LRRC37A2: variants seen among roughly 807,000 people sequenced by gnomAD.
The protein encoded by LRRC37A2 is leucine rich repeat containing 37 member A2.
LRRC37A2 carries 9 observed loss-of-function variants against 68.8 expected under a neutral mutation model. That is an observed-to-expected ratio of 0.13 (90% CI 0.08 to 0.23). The LOEUF is 0.23. Among genes scored for constraint, LRRC37A2 ranks in the 10% least tolerant of loss-of-function variants. LRRC37A2 has a pLI of 1.00. For synonymous variants in LRRC37A2, 63 were observed against 367.6 expected (o/e 0.17, Z 9.48); for missense variants, 168 against 950.4 (o/e 0.18, Z 10.82).
At chr17:46,684,986 A>G in the LRRC37A2 span, among the ~76,000 whole-genome samples, 5 of 96,530 alleles carry the variant, frequency 5.2e-5, no homozygotes. Context: ...ATTTTATTCT[A>G]TTTTTTTAAA....
chr17:46,943,737 C>G, the LRRC37A2 span, among the ~76,000 whole-genome samples: 3 of 152,218 alleles, frequency 2.0e-5, no homozygotes, highest in Non-Finnish European at 2.9e-5. Context: ...GCCACTGATG[C>G]TACGAGCCAT....
At chr17:46,731,490 C>A in the LRRC37A2 span, among the ~76,000 whole-genome samples, 1 of 152,096 alleles carries the variant, frequency 6.6e-6, no homozygotes, top group African/African-American at 2.4e-5. Context: ...ACTGTGTGCT[C>A]TGTGAACCAT....
At chr17:47,014,774 A>G in the LRRC37A2 span, among the ~76,000 whole-genome samples, 1 of 152,082 alleles carries the variant, frequency 6.6e-6, no homozygotes, top group Non-Finnish European at 1.5e-5. Context: ...GGCCTTAAGA[A>G]TGATTGCGCT....
the LRRC37A2 span, among the ~76,000 whole-genome samples, chr17:46,443,992 TTTTG>T: frequency 1.7e-4 from 1 of 5,890 alleles, no homozygotes; most frequent in Non-Finnish European, 8.9e-4. Flanking sequence ...CTAGCTAATT[TTTTG>T]TTTGTTTGAT....
the LRRC37A2 span, among the ~76,000 whole-genome samples, chr17:46,801,642 G>GAATTA: frequency 3.4e-5 from 5 of 147,252 alleles, no homozygotes; most frequent in Non-Finnish European, 7.6e-5. Flanking sequence ...GAATTGAATT[G>GAATTA]AATTAAATTA....
the LRRC37A2 span, among the ~76,000 whole-genome samples, chr17:46,787,399 A>G: frequency 6.6e-6 from 1 of 152,348 alleles, no homozygotes; most frequent in East Asian, 1.9e-4. Flanking sequence ...GTTAGGTCAT[A>G]AAATGTCAAA....
chr17:46,728,943 A>C, the LRRC37A2 span: 251 of 1,487,264 alleles, frequency 1.7e-4, no homozygotes, highest in East Asian at 1.0e-3. Flanking sequence ...AGGTAAAATA[A>C]TACTACTAAT....
At chr17:46,499,335 A>C in the LRRC37A2 span, among the ~76,000 whole-genome samples, 2 of 89,108 alleles carry the variant, frequency 2.2e-5, no homozygotes, top group Admixed American at 1.2e-4. Flanking sequence ...AAAAAAAAAA[A>C]GGTGGGGGGA....
chr17:46,475,296 G>T, the LRRC37A2 span: 1 of 789,444 alleles, frequency 1.3e-6, no homozygotes, highest in Non-Finnish European at 1.8e-6. Context: ...GGGAGTTCAT[G>T]ACACTGTTGT....
the LRRC37A2 span, chr17:46,941,242 G>A: frequency 2.0e-5 from 20 of 994,964 alleles, no homozygotes; most frequent in Admixed American, 5.8e-4. Flanking sequence ...ACTTCACTGC[G>A]GAGTTCTGTA....
chr17:46,789,944 T>G, the LRRC37A2 span, among the ~76,000 whole-genome samples: 2 of 152,184 alleles, frequency 1.3e-5, no homozygotes, highest in Non-Finnish European at 2.9e-5. Flanking sequence ...GGAGGGCTTC[T>G]TTGCGCCTCA....
At chr17:46,880,424 A>T in the LRRC37A2 span, among the ~76,000 whole-genome samples, 3 of 152,168 alleles carry the variant, frequency 2.0e-5, no homozygotes, top group African/African-American at 7.2e-5. Context: ...TTATTTAGGG[A>T]TCTCTTATTG....
the LRRC37A2 span, among the ~76,000 whole-genome samples, chr17:47,009,272 C>A: frequency 6.6e-6 from 1 of 152,168 alleles, no homozygotes; most frequent in African/African-American, 2.4e-5. Flanking sequence ...CTAGAATATA[C>A]TTTATTTAAC....
At chr17:46,907,866 AGT>A in the LRRC37A2 span, among the ~76,000 whole-genome samples, 1 of 151,360 alleles carries the variant, frequency 6.6e-6, no homozygotes, top group Non-Finnish European at 1.5e-5. Flanking sequence ...AAAAAAAAAA[AGT>A]GTGTGCGCTA....
At chr17:46,800,271 C>T in the LRRC37A2 span, among the ~76,000 whole-genome samples, 27 of 152,234 alleles carry the variant, frequency 1.8e-4, no homozygotes, top group African/African-American at 6.5e-4. Context: ...CCACCACACC[C>T]AGCTAATTTT....
chr17:47,035,986 C>T, the LRRC37A2 span, among the ~76,000 whole-genome samples: 1 of 152,178 alleles, frequency 6.6e-6, no homozygotes, highest in Admixed American at 6.5e-5. Context: ...AAATCCTCTG[C>T]CTCTGCCCAT....
chr17:46,879,766 A>G, the LRRC37A2 span, among the ~76,000 whole-genome samples: 3 of 152,174 alleles, frequency 2.0e-5, no homozygotes, highest in Admixed American at 6.5e-5. Context: ...GAGCCCAAGA[A>G]CTCAGGGAAG....
the LRRC37A2 span, among the ~76,000 whole-genome samples, chr17:46,747,763 T>G: frequency 2.6e-5 from 4 of 152,046 alleles, no homozygotes; most frequent in African/African-American, 9.7e-5. Context: ...AATAAGAAAA[T>G]TAGAAGATTA....
At chr17:46,718,866 A>AT in the LRRC37A2 span, among the ~76,000 whole-genome samples, 1 of 152,198 alleles carries the variant, frequency 6.6e-6, no homozygotes, top group African/African-American at 2.4e-5. Context: ...TTATACATAC[A>AT]TTTTTTATTA....
Sources: gnomAD v4.1 joint callset for allele counts (sites outside exome capture counted in the v4.1 genomes callset) on GRCh38, gnomAD v4.1.1 for gene constraint, MANE v1.5 for transcripts, NCBI Gene and HGNC (gene_info 2026-07-23, HGNC 2026-07-21) for gene names.